Variants in CAMKK1 observed in about 807,000 individuals in gnomAD.
The protein encoded by CAMKK1 is calcium/calmodulin-dependent protein kinase kinase 1.
CAMKK1 carries 20 observed loss-of-function variants against 63.5 expected under a neutral mutation model. The observed-to-expected ratio is 0.32, with a 90% CI of 0.22 to 0.46. The LOEUF is 0.46. CAMKK1 is among the 20% of genes least tolerant of loss of function. The probability of loss-of-function intolerance (pLI) is 1.00; values close to 1 mark genes in which losing one functional copy is unlikely to be tolerated. For missense variants in CAMKK1, 588 were observed against 658.1 expected (o/e 0.89, Z 1.17); for synonymous variants, 253 against 269.0 (o/e 0.94, Z 0.58).
At position 3,885,518 on chromosome 17, in the gene CAMKK1, C is replaced by G. The variant is rs149002011; in HGVS notation, c.170G>C (p.Ser57Thr). 9.0e-5 allele frequency: 145 copies of G among 1,613,814 alleles called. No homozygotes were observed. The highest frequency in any genetic ancestry group is 8.2e-4 in the Middle Eastern group (5 of 6,084). The part of the protein sequence containing the change: ...RARAASVIPG[S>T]TSRLLPARPS... Reference sequence around the variant, plus strand: ...CCGGGCTGGGAGCAGTCTTGAAGTACTGCCAGGGATCACAGAGGCAGCTCT... The same window carrying G: ...CCGGGCTGGGAGCAGTCTTGAAGTAGTGCCAGGGATCACAGAGGCAGCTCT... The change falls in exon 2 of 16, where the codon AGT becomes ACT. Residue 57 changes from serine (S) to threonine (T), a missense_variant. Physicochemically the swap from Ser to Thr is moderately conservative, Grantham distance 58. This residue lies in a region of CAMKK1 where 357 missense variants were observed against 407.4 expected (regional missense o/e 0.88). Transcript: ENST00000348335.
intron 14 of CAMKK1, 145 bp from the exon 15 acceptor site, chr17:3,866,156 G>A: frequency 1.0e-6 from 1 of 959,454 alleles, no homozygotes; most frequent in Non-Finnish European, 1.5e-6. Context: ...GCAGAGGCAA[G>A]AACACGGGGC....
rs1173678110 is a variant in CAMKK1, at chr17:3,887,973, GCA to G, written c.-43-2245_-43-2244del. On this transcript the variant is annotated intron_variant, in intron 1 of 15. Transcript: ENST00000348335. The surrounding 1 kb of genome is among the most constrained non-coding windows in gnomAD (Gnocchi z 6.1). ...GTCTCCAAAAGATCATCAGTGCCTGGCATGTGATAGGAACTCGATAAATATTT... is the reference window on the plus strand; with the variant it reads ...GTCTCCAAAAGATCATCAGTGCCTGGTGTGATAGGAACTCGATAAATATTT... Among the ~76,000 whole-genome samples, 1 of 152,152 alleles carries G rather than the reference GCA, an allele frequency of 6.6e-6. No homozygotes were observed. The highest frequency in any genetic ancestry group is 1.5e-5 in the Non-Finnish European group (1 of 68,030).
At chr17:3,866,449 A>G (rs996933994) in intron 14 of CAMKK1, among the ~76,000 whole-genome samples, 3 of 152,238 alleles carry the variant, frequency 2.0e-5, no homozygotes, top group Non-Finnish European at 2.9e-5. Context: ...CCGGTGGCCC[A>G]GTCAGTGGGG....
intron 14 of CAMKK1, among the ~76,000 whole-genome samples, chr17:3,867,859 T>C (rs2054597571): frequency 6.6e-6 from 1 of 152,156 alleles, no homozygotes; most frequent in African/African-American, 2.4e-5. Context: ...CGGGGGACTA[T>C]GTGAATCACT....
At chr17:3,871,335 T>G (rs575382500) in intron 12 of CAMKK1, among the ~76,000 whole-genome samples, 37,902 of 108,052 alleles carry the variant, frequency 0.35, 5,622 homozygotes, top group African/African-American at 0.39. Flanking sequence ...TGTTTTTTGT[T>G]TTTTTTTTTT....
chr17:3,866,471 G>C (rs1366326298), intron 14 of CAMKK1, among the ~76,000 whole-genome samples: 1 of 152,270 alleles, frequency 6.6e-6, no homozygotes, highest in Non-Finnish European at 1.5e-5. Flanking sequence ...TGCCAGGAGG[G>C]GAACAGCTGC....
chr17:3,884,033 C>T lies in CAMKK1; in HGVS notation c.409-96G>A. 8.3e-7 allele frequency: 1 copy of T among 1,210,246 alleles called. No individual in the cohort carries two copies. Among genetic ancestry groups the T allele is most frequent in the Non-Finnish European group, 1.2e-6 (1 of 830,688 alleles). The allele number at this position is 1,210,246 out of a possible 1,614,324, so 75.0% of individuals were successfully genotyped here. A position where few individuals can be genotyped will look rare whatever the true frequency, so the allele number is the denominator to read the frequency against. ...AGCCGAGCAGCTCTGGTCTCTCCTG[C>T]ACCCCATCTGCACTACCCACCACCA... On this transcript the variant is annotated intron_variant, in intron 3 of 15. Coordinates refer to ENST00000348335, the MANE Select transcript of CAMKK1 (RefSeq NM_032294.3). This position sits in a 1 kb window ranked among gnomAD's most constrained non-coding sequence, Gnocchi z 4.5.
chr17:3,881,748 C>T, intron 7 of CAMKK1, 100 bp from the exon 8 acceptor site: 6 of 1,082,142 alleles, frequency 5.5e-6, no homozygotes, highest in Middle Eastern at 2.0e-4. Context: ...GGCAGGCATG[C>T]AGGCATACTC....
rs145473337 is a variant in CAMKK1, at chr17:3,869,562, C to G, written c.1266G>C (p.Glu422Asp). Residue 422 changes from glutamate (E) to aspartate (D), a missense_variant, in exon 14 of 16, where the codon GAG (glutamate) becomes GAC (aspartate). Glu to Asp is a conservative substitution (Grantham distance 45). This residue lies in a region of CAMKK1 where 226 missense variants were observed against 229.2 expected (regional missense o/e 0.99). Coordinates refer to ENST00000348335, the MANE Select transcript of CAMKK1 (RefSeq NM_032294.3). ...CTGTCACCTCCACCACGCTGCAGTG[C>G]TCCTCCTCCGAAGGAAGGGGCTCCT... is the stretch of plus-strand genomic sequence containing the variant. ...NGEEPLPSEE[E>D]HCSVVEVTEE... 4.1e-4 allele frequency: 665 copies of G among 1,614,232 alleles called. No individual in the cohort carries two copies. The highest frequency in any genetic ancestry group is 5.3e-4 in the Non-Finnish European group (631 of 1,180,030).
At chr17:3,866,072 G>T in intron 14 of CAMKK1, 61 bp from the exon 15 acceptor site, 1 of 1,583,140 alleles carries the variant, frequency 6.3e-7, no homozygotes, top group Non-Finnish European at 8.6e-7. Flanking sequence ...CGCAGCCTCT[G>T]CTCCGATTCC....
intron 10 of CAMKK1, among the ~76,000 whole-genome samples, chr17:3,874,814 A>G (rs974606150): frequency 4.0e-5 from 6 of 151,794 alleles, no homozygotes; most frequent in African/African-American, 1.5e-4. Flanking sequence ...TGACCGATAT[A>G]TAAGTCTTAT....
At chr17:3,863,445 T>C (rs934471939) in intron 15 of CAMKK1, among the ~76,000 whole-genome samples, 2 of 152,122 alleles carry the variant, frequency 1.3e-5, no homozygotes, top group African/African-American at 4.8e-5. Flanking sequence ...CTGCAGTGAG[T>C]TGAGTTTGCG....
chr17:3,885,848 G>A (rs903724855), intron 1 of CAMKK1, 118 bp from the exon 2 acceptor site: 30 of 1,031,784 alleles, frequency 2.9e-5, no homozygotes, highest in Non-Finnish European at 3.5e-5. Context: ...TCCCTCTACC[G>A]GGATTGCCAA....
At chr17:3,871,347 GTTT>G (rs869219931) in intron 12 of CAMKK1, among the ~76,000 whole-genome samples, 3,407 of 103,954 alleles carry the variant, frequency 0.033, 32 homozygotes, top group Middle Eastern at 0.062. Flanking sequence ...TTTTTTTTTT[GTTT>G]TTTTTTTTTT....
In CAMKK1 at chr17:3,882,583, CAT is replaced by C; in HGVS notation, c.649-21_649-20del. 1 of 1,588,464 alleles carries C rather than the reference CAT, an allele frequency of 6.3e-7. No individual in the cohort carries two copies. Among genetic ancestry groups the C allele is most frequent in the Non-Finnish European group, 8.6e-7 (1 of 1,167,294 alleles). ...CCAGGACCTGGTCAGAGGGAGCAGA[CAT>C]GGGGGTGGGGCTTGAGGAGGCGTGG... On this transcript the variant is annotated intron_variant, in intron 6 of 15. Coordinates refer to ENST00000348335, the MANE Select transcript of CAMKK1 (RefSeq NM_032294.3). This position sits in a 1 kb window ranked among gnomAD's most constrained non-coding sequence, Gnocchi z 4.3.
chr17:3,872,680 C>G, intron 11 of CAMKK1, 53 bp from the exon 12 acceptor site: 1 of 1,510,158 alleles, frequency 6.6e-7, no homozygotes, highest in Non-Finnish European at 9.2e-7. Context: ...TCGACCTGTG[C>G]CAGGGGATCA....
rs1158208794 is a variant in CAMKK1, at chr17:3,884,769, C to T, written c.361-342G>A. Among the ~76,000 whole-genome samples, 1 of 152,196 alleles carries T rather than the reference C, an allele frequency of 6.6e-6. No individual in the cohort carries two copies. The highest frequency in any genetic ancestry group is 1.9e-4 in the East Asian group (1 of 5,202). ...CATGAGCAACTATTTCCAGAAGCAG[C>T]TGAATGAGAAGGTCTAGACTCCAAG... On this transcript the variant is annotated intron_variant, in intron 2 of 15. Coordinates refer to ENST00000348335, the MANE Select transcript of CAMKK1 (RefSeq NM_032294.3). This position sits in a 1 kb window ranked among gnomAD's most constrained non-coding sequence, Gnocchi z 4.5.
intron 9 of CAMKK1, among the ~76,000 whole-genome samples, chr17:3,877,276 T>G (rs909020441): frequency 1.3e-5 from 2 of 152,064 alleles, no homozygotes; most frequent in African/African-American, 4.8e-5. Context: ...TTCAGAGAGA[T>G]GGATGGCACC....
In CAMKK1 at chr17:3,889,671, C is replaced by T. The variant is rs2143908026; in HGVS notation, c.-44+3268G>A. ...CCAAGAGAGCCTTGATGTGCAAGGT[C>T]CAACCCCACCTCTGCCCCCAGCTCC... On this transcript the variant is annotated intron_variant, in intron 1 of 15. Transcript: ENST00000348335. This position sits in a 1 kb window ranked among gnomAD's most constrained non-coding sequence, Gnocchi z 5.2. 2.6e-5 allele frequency among the ~76,000 whole-genome samples: 4 copies of T among 152,216 alleles called. 1 individual carries two copies. The Middle Eastern group carries it at 0.014, about 518-fold the overall frequency.
Sources: gnomAD v4.1 joint callset for allele counts (sites outside exome capture counted in the v4.1 genomes callset) on GRCh38, gnomAD v4.1.1 for gene constraint, gnomAD v4.1.1 regional missense constraint, Gnocchi (gnomAD v3.1) non-coding constraint, MANE v1.5 for transcripts, NCBI Gene and HGNC (gene_info 2026-07-23, HGNC 2026-07-21) for gene names.